The following ZNF596 variants were observed in gnomAD, a reference collection of about 807,000 sequenced individuals.
ZNF596 encodes the protein zinc finger protein 596.
Under a neutral mutation model 48.3 loss-of-function variants are expected in ZNF596, and 45 were observed. The observed-to-expected ratio is 0.93, with a 90% confidence interval of 0.73 to 1.19. ZNF596 has a LOEUF of 1.19. ZNF596 is among the 50% of genes most tolerant of loss of function. ZNF596 has a pLI of 0.00. For synonymous variants in ZNF596, 270 were observed against 202.0 expected (o/e 1.34, Z -2.85); for missense variants, 848 against 599.7 (o/e 1.41, Z -4.32).
chr8:242,944 C>A lies in ZNF596; in HGVS notation c.70C>A (p.Leu24Met). 1 of 1,610,862 alleles carries A rather than the reference C, an allele frequency of 6.2e-7. No homozygotes were observed. The highest frequency in any genetic ancestry group is 8.5e-7 in the Non-Finnish European group (1 of 1,177,584). Residue 24 changes from leucine (L) to methionine (M), a missense_variant, in exon 3 of 6, where the codon CTG becomes ATG. Transcript: ENST00000398612. Reference protein sequence around the residue: ...VDFTQEEWALLDTSQRKLFQD... With the variant: ...VDFTQEEWALMDTSQRKLFQD... ...CTTCACTCAAGAAGAGTGGGCCCTGCTGGACACATCCCAGAGAAAGCTGTT... is the reference window on the plus strand; with the variant it reads ...CTTCACTCAAGAAGAGTGGGCCCTGATGGACACATCCCAGAGAAAGCTGTT...
intron 3 of ZNF596, chr8:243,237 C>A (rs574787874): frequency 8.1e-5 from 31 of 382,296 alleles, no homozygotes; most frequent in Admixed American, 1.7e-4. Flanking sequence ...TCTTTCTGAC[C>A]ACAGTTTCAC....
At position 246,087 on chromosome 8, in the gene ZNF596, A is replaced by G. The variant is rs1269590203; in HGVS notation, c.1240A>G (p.Thr414Ala). ...CCTCAGACGACATGAGAGAACTCAC[A>G]CTGGAGAAAAACCATATGAATGCCA... ...SDLRRHERTH[T>A]GEKPYECHLC... is the part of the protein sequence containing the mutation. Residue 414 changes from threonine (T) to alanine (A), a missense_variant, in exon 6 of 6, where the codon ACT becomes GCT. Thr to Ala is a moderately conservative substitution (Grantham distance 58). Coordinates refer to ENST00000398612, the MANE Select transcript of ZNF596 (RefSeq NM_001042416.3). The G allele has an allele frequency of 1.2e-6, 2 of 1,613,590 alleles. No homozygotes were observed. The highest frequency in any genetic ancestry group is 2.2e-5 in the East Asian group (1 of 44,858).
At chr8:238,628 CAAAAAAAAAAAA>C (rs1167168569) in intron 1 of ZNF596, among the ~76,000 whole-genome samples, 101 of 39,858 alleles carry the variant, frequency 2.5e-3, no homozygotes, top group Non-Finnish European at 4.3e-3. Flanking sequence ...TGGTGAAATA[CAAAAAAAAAAAA>C]AAAAAAAAAA....
At position 246,017 on chromosome 8, in the gene ZNF596, A is replaced by G; in HGVS notation, c.1170A>G (p.Pro390=). Residue 390 remains proline, a synonymous_variant, in exon 6 of 6, where the codon CCA becomes CCG. Transcript: ENST00000398612. ...AGAGAATTCACACTGGAGAGAAACC[A>G]TATGAGTGCCATGTATGTGGGAAAG... is the stretch of plus-strand genomic sequence containing the variant. The part of the protein sequence containing the change: ...RHERIHTGEK[P]YECHVCGKAF... The G allele has an allele frequency of 1.9e-6, 3 of 1,614,160 alleles. No individual in the cohort carries two copies. The highest frequency in any genetic ancestry group is 1.1e-5 in the South Asian group (1 of 91,084).
At chr8:235,253 A>C (rs545318544) in intron 1 of ZNF596, among the ~76,000 whole-genome samples, 168 of 152,366 alleles carry the variant, frequency 1.1e-3, no homozygotes, top group Non-Finnish European at 1.7e-3. Flanking sequence ...CTTGATGTTC[A>C]TAGATTTGTA....
At chr8:236,244 A>G (rs1271157734) in intron 1 of ZNF596, among the ~76,000 whole-genome samples, 1 of 152,254 alleles carries the variant, frequency 6.6e-6, no homozygotes, top group Non-Finnish European at 1.5e-5. Flanking sequence ...GTTGCTAAAC[A>G]GGAAATATTG....
intron 2 of ZNF596, among the ~76,000 whole-genome samples, chr8:242,176 T>C (rs949888702): frequency 6.6e-6 from 1 of 152,196 alleles, no homozygotes; most frequent in African/African-American, 2.4e-5. Context: ...TGAGACCATC[T>C]TTCAGTACTG....
chr8:232,905 G>T (rs1173008699), intron 1 of ZNF596: 1 of 468,620 alleles, frequency 2.1e-6, no homozygotes, highest in Admixed American at 2.4e-5. Context: ...TAGGGGACCT[G>T]CCCGATCCTG....
intron 1 of ZNF596, chr8:234,923 A>G (rs1209059077): frequency 6.6e-6 from 1 of 152,228 alleles, no homozygotes; most frequent in Non-Finnish European, 1.5e-5. Context: ...GAAACTGTGC[A>G]TATTAGTAGT....
chr8:232,757 G>A (rs1488554389), intron 1 of ZNF596, 63 bp downstream of exon 1: 3 of 422,750 alleles, frequency 7.1e-6, no homozygotes, highest in South Asian at 3.6e-5. Flanking sequence ...TGGCCCCTCA[G>A]GGCAGCCCTG....
Position 246,074 on chromosome 8 carries a change from T to C in ZNF596, c.1227T>C (p.His409=), listed in dbSNP as rs1292199551. 4.3e-6 allele frequency: 7 copies of C among 1,614,008 alleles called. No individual in the cohort carries two copies. In the South Asian group the frequency reaches 4.4e-5, roughly 10 times the overall value. ...AFTESSDLRR[H]ERTHTGEKPY... is the part of the protein sequence containing the mutation. ...CTGAATCTTCTGACCTCAGACGACA[T>C]GAGAGAACTCACACTGGAGAAAAAC... Residue 409 remains histidine (H), a synonymous_variant, in exon 6 of 6, where the codon CAT becomes CAC. Coordinates refer to ENST00000398612, the MANE Select transcript of ZNF596 (RefSeq NM_001042416.3).
chr8:244,494 G>A (rs937326008), intron 4 of ZNF596, 125 bp from the exon 5 acceptor site: 21 of 688,284 alleles, frequency 3.1e-5, no homozygotes, highest in Non-Finnish European at 5.1e-5. Flanking sequence ...CTTAAAGTAT[G>A]GTTAATTTAA....
chr8:236,382 T>C (rs1018252735), intron 1 of ZNF596, among the ~76,000 whole-genome samples: 6 of 152,348 alleles, frequency 3.9e-5, no homozygotes, highest in African/African-American at 1.4e-4. Context: ...TTGCAGCTCT[T>C]TGACTCCATT....
chr8:244,443 G>T lies in ZNF596; in HGVS notation c.224-176G>T. Reference sequence around the variant, plus strand: ...TCGACTTGCCTTTATTTTTTTATATGCTGAAAATGTCAGTAGTCAATGTGC... The same window carrying T: ...TCGACTTGCCTTTATTTTTTTATATTCTGAAAATGTCAGTAGTCAATGTGC... On this transcript the variant is annotated intron_variant, in intron 4 of 5. Transcript: ENST00000398612. The T allele has an allele frequency of 1.4e-5, 8 of 571,282 alleles. No homozygotes were observed. The South Asian group carries it at 1.6e-4, about 12-fold the overall frequency. 35.4% of individuals were successfully genotyped at this position (571,282 alleles called of 1,614,324 possible).
At chr8:232,144 G>C (rs1193192257), upstream of ZNF596, 5 of 151,900 alleles carry the variant, frequency 3.3e-5, no homozygotes, top group Non-Finnish European at 7.4e-5. Flanking sequence ...AGGAAGTTGG[G>C]TGGAAGCAGC....
In ZNF596 at chr8:246,355, A is replaced by C. The variant is rs866527560; in HGVS notation, c.1508A>C (p.Asn503Thr). Residue 503 changes from asparagine (N) to threonine (T), a missense_variant, in exon 6 of 6, where the codon AAT (asparagine) becomes ACT (threonine). Asn to Thr is a moderately conservative substitution (Grantham distance 65). Coordinates refer to ENST00000398612, the MANE Select transcript of ZNF596 (RefSeq NM_001042416.3). ...AGAACTCACACTAAAAAAGCAATGA[A>C]TATGTAAGAATCATCAGCTGTAGCG... ...HERTHTKKAM[N>T]M The C allele has an allele frequency of 1.3e-6, 2 of 1,579,884 alleles. No individual in the cohort carries two copies. Among genetic ancestry groups the C allele is most frequent in the African/African-American group, 2.7e-5 (2 of 73,264 alleles).
rs1055357135 is a variant in ZNF596 at position 246,453 on chromosome 8, A to G, written c.*91A>G. On this transcript the variant is annotated 3_prime_UTR_variant, in exon 6 of 6. Coordinates refer to ENST00000398612, the MANE Select transcript of ZNF596 (RefSeq NM_001042416.3). ...CTGTAATCAGTGTGGAAAAGCCTTT[A>G]TTTATATTTACCACTTTGCTCAACC... 2 of 1,463,100 alleles carry G rather than the reference A, an allele frequency of 1.4e-6. No individual in the cohort carries two copies. The highest frequency in any genetic ancestry group is 1.4e-5 in the African/African-American group (1 of 70,880). 90.6% of individuals were successfully genotyped at this position (1,463,100 alleles called of 1,614,324 possible). A position where few individuals can be genotyped will look rare whatever the true frequency, so the allele number is the denominator to read the frequency against.
intron 4 of ZNF596, 94 bp downstream of exon 4, chr8:243,899 G>C (rs554738089): frequency 9.9e-6 from 11 of 1,116,544 alleles, no homozygotes; most frequent in East Asian, 2.6e-5. Flanking sequence ...GATTTCTTTT[G>C]TTTTTTTAGA....
At chr8:239,678 T>A (rs141157114) in intron 1 of ZNF596, among the ~76,000 whole-genome samples, 1 of 152,172 alleles carries the variant, frequency 6.6e-6, no homozygotes, top group Non-Finnish European at 1.5e-5. Flanking sequence ...CTCCAAGCAG[T>A]TGGGGGGTAC....
Sources: gnomAD v4.1 joint callset for allele counts (sites outside exome capture counted in the v4.1 genomes callset) on GRCh38, gnomAD v4.1.1 for gene constraint, MANE v1.5 for transcripts, NCBI Gene and HGNC (gene_info 2026-07-23, HGNC 2026-07-21) for gene names.